The following CHRDL1 variants were observed in gnomAD, a reference collection of about 807,000 sequenced individuals.
CHRDL1 encodes the protein chordin-like protein 1.
Under a neutral mutation model 40.9 loss-of-function variants are expected in CHRDL1, and 19 were observed. The ratio of observed to expected loss-of-function variants is 0.46; its 90% CI spans 0.32 to 0.68. The LOEUF (loss-of-function observed/expected upper bound fraction) is 0.68, where lower values mean the gene tolerates loss of function less well. Among genes scored for constraint, CHRDL1 ranks in the 30% least tolerant of loss-of-function variants. The pLI, the probability that CHRDL1 is intolerant of heterozygous loss-of-function variation, is 0.03. For synonymous variants in CHRDL1, 136 were observed against 123.4 expected (o/e 1.10, Z -0.68); for missense variants, 329 against 352.1 (o/e 0.93, Z 0.53).
chrX:110,697,727 C>T (rs969120261), intron 7 of CHRDL1, among the ~76,000 whole-genome samples: 5 of 107,288 alleles, frequency 4.7e-5, no homozygotes, highest in Admixed American at 3.1e-4. Flanking sequence ...CAGGGCTTGG[C>T]TGTTGTCCAA....
chrX:110,765,502 T>A (rs1313579641), intron 2 of CHRDL1, among the ~76,000 whole-genome samples: 1 of 111,811 alleles, frequency 8.9e-6, no homozygotes, highest in Non-Finnish European at 1.9e-5. Context: ...GAGGATCCAG[T>A]TTCATTCTCT....
At chrX:110,775,897 G>A (rs1276247309) in intron 2 of CHRDL1, among the ~76,000 whole-genome samples, 1 of 110,357 alleles carries the variant, frequency 9.1e-6, no homozygotes, top group Non-Finnish European at 1.9e-5. Context: ...GTTTAAGAAA[G>A]TTTTTAGTGG....
intron 7 of CHRDL1, among the ~76,000 whole-genome samples, chrX:110,700,396 G>C (rs1317672468): frequency 8.9e-6 from 1 of 111,863 alleles, no homozygotes; most frequent in Non-Finnish European, 1.9e-5. Context: ...CATCCTGAAA[G>C]AGTACCAACT....
At chrX:110,775,936 C>T (rs1410557801) in intron 2 of CHRDL1, among the ~76,000 whole-genome samples, 2 of 111,196 alleles carry the variant, frequency 1.8e-5, no homozygotes, top group East Asian at 5.6e-4. Context: ...TATACATTTA[C>T]ATTAATCCAA....
At chrX:110,761,104 A>G (rs1179468226) in intron 3 of CHRDL1, among the ~76,000 whole-genome samples, 1 of 111,980 alleles carries the variant, frequency 8.9e-6, no homozygotes, top group Non-Finnish European at 1.9e-5. Context: ...GTTTTAAATG[A>G]TTTAAATGGA....
chrX:110,746,612 A>G (rs1209349650), intron 4 of CHRDL1, among the ~76,000 whole-genome samples: 3 of 111,653 alleles, frequency 2.7e-5, no homozygotes, highest in African/African-American at 6.5e-5. Context: ...TTTGCCTGAC[A>G]GTCATTAAAC....
Position 110,794,494 on chromosome X carries a change from A to G in CHRDL1, c.-35+1250T>C, listed in dbSNP as rs559929046. On this transcript the variant is annotated intron_variant, in intron 1 of 11. Transcript: ENST00000372042. ...AACTAACACAGGTAGTGGAGGTGGG[A>G]TGGGAGAGTTCCTGTGTTTTACAAG... 2.0e-4 allele frequency among the ~76,000 whole-genome samples: 22 copies of G among 112,502 alleles called. No individual in the cohort carries two copies. In the South Asian group the frequency reaches 4.1e-3, roughly 21 times the overall value.
At chrX:110,684,943 A>G (rs767318610) in intron 9 of CHRDL1, among the ~76,000 whole-genome samples, 1 of 112,208 alleles carries the variant, frequency 8.9e-6, no homozygotes, top group Non-Finnish European at 1.9e-5. Context: ...TCAATCGTCT[A>G]TCTCCACAAA....
At chrX:110,689,466 A>ATCTATATATCTATATATCTATATC (rs1423847650) in intron 8 of CHRDL1, among the ~76,000 whole-genome samples, 1 of 51,995 alleles carries the variant, frequency 1.9e-5, no homozygotes, top group East Asian at 3.5e-4. Context: ...ATCTATATAT[A>ATCTATATATCTATATATCTATATC]TCTATATATC....
Position 110,721,519 on chromosome X carries a change from G to T in CHRDL1, c.313C>A (p.Pro105Thr). The part of the protein sequence containing the change: ...CCPRCPEDSL[P>T]PVNNKVTSKS... ...CTGGTCACCTTATTGTTCACTGGGG[G>T]TAAGGAGTCTTCTAGAACAGGGTGG... Residue 105 changes from proline (P) to threonine (T), a missense_variant, in exon 5 of 12, where the codon CCC becomes ACC. Pro to Thr is a conservative substitution (Grantham distance 38). Coordinates refer to ENST00000372042, the MANE Select transcript of CHRDL1 (RefSeq NM_001143981.2). The T allele has an allele frequency of 4.1e-6, 5 of 1,207,532 alleles. No individual in the cohort carries two copies. The highest frequency in any genetic ancestry group is 5.6e-6 in the Non-Finnish European group (5 of 891,540).
rs145062843 is a variant in CHRDL1 at position 110,730,859 on chromosome X, C to A, written c.302-9329G>T. Among the ~76,000 whole-genome samples the A allele has an allele frequency of 5.5e-3, 618 of 112,188 alleles. 5 individuals are homozygous for A. Among genetic ancestry groups the A allele is most frequent in the Non-Finnish European group, 9.2e-3 (490 of 53,299 alleles). ...CTTTCATCTTTGTTTTAGGTCACTACTGAAGGTGCTTTTCAGAAAGGATTT... is the reference window on the plus strand; with the variant it reads ...CTTTCATCTTTGTTTTAGGTCACTAATGAAGGTGCTTTTCAGAAAGGATTT... On this transcript the variant is annotated intron_variant, in intron 4 of 11. Transcript: ENST00000372042.
intron 2 of CHRDL1, among the ~76,000 whole-genome samples, chrX:110,776,274 T>A (rs1202573760): frequency 8.9e-6 from 1 of 112,466 alleles, no homozygotes; most frequent in Non-Finnish European, 1.9e-5. Context: ...GCAAGGAAGG[T>A]CTACTGGTGA....
chrX:110,698,136 C>CT (rs2070438542), intron 7 of CHRDL1, among the ~76,000 whole-genome samples: 1 of 111,064 alleles, frequency 9.0e-6, no homozygotes. Flanking sequence ...AAAGGACAGT[C>CT]TCCTGGATAA....
chrX:110,681,167 T>C (rs1411351705), intron 10 of CHRDL1, among the ~76,000 whole-genome samples: 2 of 111,336 alleles, frequency 1.8e-5, no homozygotes, highest in Non-Finnish European at 3.8e-5. Flanking sequence ...CCCAGATATT[T>C]GGTATTTAAA....
intron 9 of CHRDL1, among the ~76,000 whole-genome samples, chrX:110,685,319 C>T (rs749508802): frequency 4.5e-5 from 5 of 111,430 alleles, no homozygotes; most frequent in East Asian, 2.8e-4. Context: ...TGCAATGGCG[C>T]GATCTTGGCT....
chrX:110,751,210 G>A (rs2089352536), intron 4 of CHRDL1, among the ~76,000 whole-genome samples: 1 of 111,714 alleles, frequency 9.0e-6, no homozygotes, highest in Admixed American at 9.5e-5. Context: ...GTTAAAATTT[G>A]AGTAGTACTA....
intron 2 of CHRDL1, among the ~76,000 whole-genome samples, chrX:110,787,800 G>A (rs2090040005): frequency 8.9e-6 from 1 of 112,266 alleles, no homozygotes; most frequent in Non-Finnish European, 1.9e-5. Context: ...TTGTAAAGCA[G>A]GAGTGGACTG....
chrX:110,738,907 C>T (rs760587726), intron 4 of CHRDL1, among the ~76,000 whole-genome samples: 10 of 111,431 alleles, frequency 9.0e-5, no homozygotes, highest in African/African-American at 1.6e-4. Flanking sequence ...GAATGGTTTA[C>T]GCCCAGTTTA....
chrX:110,775,063 T>C (rs2089830337), intron 2 of CHRDL1, among the ~76,000 whole-genome samples: 1 of 112,025 alleles, frequency 8.9e-6, no homozygotes, highest in Admixed American at 9.5e-5. Context: ...AAATGTTGAC[T>C]TTTGTGAAAA....
Sources: allele counts gnomAD v4.1 joint callset (sites outside exome capture counted in the v4.1 genomes callset), GRCh38; gene constraint gnomAD v4.1.1; transcripts MANE v1.5; gene names NCBI Gene and HGNC (gene_info 2026-07-23, HGNC 2026-07-21).